WDR33: variants seen among roughly 807,000 people sequenced by gnomAD.
The protein encoded by WDR33 is WD repeat domain 33, also known as pre-mRNA 3' end processing protein WDR33.
WDR33 carries 47 observed loss-of-function variants against 164.9 expected under a neutral mutation model. The ratio of observed to expected loss-of-function variants is 0.29; its 90% CI spans 0.23 to 0.36. The LOEUF (loss-of-function observed/expected upper bound fraction) is 0.36, where lower values mean the gene tolerates loss of function less well. Ranked by LOEUF, WDR33 falls within the 10% of genes least tolerant of loss-of-function variation. The probability of loss-of-function intolerance (pLI) is 1.00; values close to 1 mark genes in which losing one functional copy is unlikely to be tolerated. For missense variants in WDR33, 1,137 were observed against 1,754.1 expected (o/e 0.65, Z 6.28); for synonymous variants, 505 against 589.0 (o/e 0.86, Z 2.06).
At chr2:127,752,690 A>G (rs1226069307) in intron 7 of WDR33, among the ~76,000 whole-genome samples, 10 of 152,192 alleles carry the variant, frequency 6.6e-5, no homozygotes, top group Non-Finnish European at 1.5e-4. Flanking sequence ...TGTCAATGTA[A>G]AACAGCATTC....
At chr2:127,789,556 C>T (rs1688768806) in intron 1 of WDR33, among the ~76,000 whole-genome samples, 2 of 149,824 alleles carry the variant, frequency 1.3e-5, no homozygotes, top group South Asian at 2.1e-4. Context: ...TCAGGCGTGG[C>T]GGCGCGTGCC....
Position 127,713,768 on chromosome 2 carries a change from T to TTGC in WDR33, c.3120_3122dup (p.Gln1041dup). ...GGCCCCCTCGCCTCCACTTCTCTTC[T>TTGC]TGCGGTAAAGGTCCTCCTCGCCCCT... On this transcript the variant is annotated inframe_insertion, in exon 18 of 22. Transcript: ENST00000322313. The surrounding 1 kb of genome is among the most constrained non-coding windows in gnomAD (Gnocchi z 6.2). 6.2e-7 allele frequency: 1 copy of TTGC among 1,614,248 alleles called. No homozygotes were observed. The highest frequency in any genetic ancestry group is 8.5e-7 in the Non-Finnish European group (1 of 1,180,042).
At chr2:127,788,112 C>G (rs1278588789) in intron 1 of WDR33, among the ~76,000 whole-genome samples, 5 of 93,656 alleles carry the variant, frequency 5.3e-5, no homozygotes, top group Non-Finnish European at 1.1e-4. Flanking sequence ...GCTGGCCGGG[C>G]TGAGGGGCTC....
At chr2:127,744,106 A>G (rs1352030673) in intron 7 of WDR33, among the ~76,000 whole-genome samples, 2 of 152,166 alleles carry the variant, frequency 1.3e-5, no homozygotes, top group African/African-American at 4.8e-5. Context: ...TAAAATGTTA[A>G]TCCTGTGTTA....
intron 1 of WDR33, 184 bp downstream of exon 1, chr2:127,810,827 AG>A (rs1689625053): frequency 6.6e-6 from 1 of 152,588 alleles, no homozygotes; most frequent in Non-Finnish European, 1.5e-5. Context: ...TCCAGCCTCC[AG>A]CCCCCTCCCA....
At chr2:127,779,232 C>T (rs1688292270) in intron 1 of WDR33, among the ~76,000 whole-genome samples, 1 of 151,354 alleles carries the variant, frequency 6.6e-6, no homozygotes, top group Non-Finnish European at 1.5e-5. Flanking sequence ...CTTTGGGAGG[C>T]CAAGGCAGAT....
chr2:127,789,354 GGGAGGT>G (rs1688759558), intron 1 of WDR33, among the ~76,000 whole-genome samples: 1 of 101,350 alleles, frequency 9.9e-6, no homozygotes, highest in Non-Finnish European at 2.0e-5. Flanking sequence ...GCAGGCGGCT[GGGAGGT>G]GTAGGTTGTA....
At chr2:127,747,448 A>G (rs1687199032) in intron 7 of WDR33, among the ~76,000 whole-genome samples, 1 of 152,146 alleles carries the variant, frequency 6.6e-6, no homozygotes, top group Non-Finnish European at 1.5e-5. Flanking sequence ...GAAAAAAAAA[A>G]AAAAGTAAAA....
intron 7 of WDR33, among the ~76,000 whole-genome samples, chr2:127,732,306 CT>C (rs201642804): frequency 1.3e-4 from 19 of 147,346 alleles, no homozygotes; most frequent in Admixed American, 1.4e-4. Context: ...GAACTTTTTT[CT>C]TTTTTTTTTG....
In WDR33 at chr2:127,713,751, C is replaced by A; in HGVS notation, c.3140G>T (p.Arg1047Leu). The A allele has an allele frequency of 6.2e-7, 1 of 1,614,238 alleles. No homozygotes were observed. Among genetic ancestry groups the A allele is most frequent in the Non-Finnish European group, 8.5e-7 (1 of 1,180,020 alleles). Residue 1047 changes from arginine to leucine, a missense_variant, in exon 18 of 22, where the codon CGA (arginine) becomes CTA (leucine). Coordinates refer to ENST00000322313, the MANE Select transcript of WDR33 (RefSeq NM_018383.5). The surrounding 1 kb of genome is among the most constrained non-coding windows in gnomAD (Gnocchi z 6.2). ...GGGAAACGGAGGCCCAGGGCCCCCTCGCCTCCACTTCTCTTCTTGCGGTAA... is the reference window on the plus strand; with the variant it reads ...GGGAAACGGAGGCCCAGGGCCCCCTAGCCTCCACTTCTCTTCTTGCGGTAA... ...GPLPQEEKWR[R>L]GGPGPPFPPD... is the part of the protein sequence containing the mutation.
At chr2:127,795,102 C>CTTTTTTTTTTTTTT (rs552910693) in intron 1 of WDR33, among the ~76,000 whole-genome samples, 1 of 131,138 alleles carries the variant, frequency 7.6e-6, no homozygotes, top group African/African-American at 3.0e-5. Context: ...AATAACTTCT[C>CTTTTTTTTTTTTTT]TTTTTTTTTT....
At position 127,768,275 on chromosome 2, in the gene WDR33, T is replaced by A; in HGVS notation, c.292A>T (p.Met98Leu). The change falls in exon 4 of 22, where the codon ATG (methionine) becomes TTG (leucine). Residue 98 changes from methionine (M) to leucine (L), a missense_variant. Around this residue, in one of 9 missense-constraint regions of WDR33, gnomAD observed 55 missense variants for 84.6 expected, o/e 0.65. Transcript: ENST00000322313. Reference sequence around the variant, plus strand: ...ACTGCATTCATAGGATTATTCAACATTCCTATAGGTGGGACCAGCTACAAA... The same window carrying A: ...ACTGCATTCATAGGATTATTCAACAATCCTATAGGTGGGACCAGCTACAAA... ...YYNDLVPPIGMLNNPMNAVTT... is the reference protein window; with the variant it reads ...YYNDLVPPIGLLNNPMNAVTT... The A allele has an allele frequency of 6.4e-7, 1 of 1,574,682 alleles. No homozygotes were observed. Among genetic ancestry groups the A allele is most frequent in the East Asian group, 2.3e-5 (1 of 44,012 alleles).
At position 127,772,976 on chromosome 2, in the gene WDR33, AAT is replaced by A. The variant is rs1248465471; in HGVS notation, c.-23-1974_-23-1973del. 2.1e-3 allele frequency among the ~76,000 whole-genome samples: 285 copies of A among 138,946 alleles called. 3 individuals are homozygous for A. Among genetic ancestry groups the A allele is most frequent in the African/African-American group, 7.6e-3 (277 of 36,660 alleles). 91.2% of individuals were successfully genotyped at this position (138,946 alleles called of 152,430 possible). A position where few individuals can be genotyped will look rare whatever the true frequency, so the allele number is the denominator to read the frequency against. On this transcript the variant is annotated intron_variant, in intron 1 of 21. Transcript: ENST00000322313. ...CATCTCTACAAAAAAAAAAAAAAAAAATTGTTTTAATTAGCCCAGTGTGCTGG... is the reference window on the plus strand; with the variant it reads ...CATCTCTACAAAAAAAAAAAAAAAAATGTTTTAATTAGCCCAGTGTGCTGG...
chr2:127,756,040 C>T (rs6756449), intron 7 of WDR33, among the ~76,000 whole-genome samples: 20,059 of 151,986 alleles, frequency 0.13, 1,442 homozygotes, highest in South Asian at 0.25. Context: ...TTCTGGTATA[C>T]CATAAAAAAG....
Position 127,764,346 on chromosome 2 carries a change from G to A in WDR33, c.626+482C>T. 3 of 1,413,054 alleles carry A rather than the reference G, an allele frequency of 2.1e-6. No individual in the cohort carries two copies. The highest frequency in any genetic ancestry group is 2.8e-6 in the Non-Finnish European group (3 of 1,085,110). The allele number at this position is 1,413,054 out of a possible 1,614,324, so 87.5% of individuals were successfully genotyped here. A position where few individuals can be genotyped will look rare whatever the true frequency, so the allele number is the denominator to read the frequency against. The stretch of plus-strand genomic sequence containing the variant: ...CATCCAGTTATCTGTGAGGGTTTTA[G>A]TCCTATACTTTCCTTTGGAAGTCGT... On this transcript the variant is annotated intron_variant, in intron 6 of 21. Coordinates refer to ENST00000322313, the MANE Select transcript of WDR33 (RefSeq NM_018383.5). The surrounding 1 kb of genome is among the most constrained non-coding windows in gnomAD (Gnocchi z 6.2).
chr2:127,727,135 TG>T (rs1427054111), intron 7 of WDR33, among the ~76,000 whole-genome samples: 2 of 152,224 alleles, frequency 1.3e-5, no homozygotes, highest in African/African-American at 4.8e-5. Context: ...GCACAATCCC[TG>T]TCACTCACTT....
chr2:127,805,068 CTTTTTTTTTTTTTTTT>C (rs201681607), intron 1 of WDR33, among the ~76,000 whole-genome samples: 4 of 84,380 alleles, frequency 4.7e-5, no homozygotes, highest in African/African-American at 1.5e-4. Context: ...GAAGTTTTTT[CTTTTTTTTTTTTTTTT>C]TTTTTTTTTT....
Position 127,704,047 on chromosome 2 carries a change from C to A in WDR33, c.*2276G>T, listed in dbSNP as rs940830594. On this transcript the variant is annotated 3_prime_UTR_variant, in exon 22 of 22. Transcript: ENST00000322313. Reference sequence around the variant, plus strand: ...GCTGAGGTGGGAAGATCACTTGAGCCCAGGAGGTTGAGGCTGCAGTGAACT... The same window carrying A: ...GCTGAGGTGGGAAGATCACTTGAGCACAGGAGGTTGAGGCTGCAGTGAACT... 1 of 166,278 alleles carries A rather than the reference C, an allele frequency of 6.0e-6. No homozygotes were observed. Among genetic ancestry groups the A allele is most frequent in the Non-Finnish European group, 1.5e-5 (1 of 68,094 alleles). The allele number at this position is 166,278 out of a possible 1,614,324, so 10.3% of individuals were successfully genotyped here.
At chr2:127,780,722 G>A (rs746569285) in intron 1 of WDR33, among the ~76,000 whole-genome samples, 9 of 152,060 alleles carry the variant, frequency 5.9e-5, no homozygotes, top group Non-Finnish European at 8.8e-5. Flanking sequence ...CTCCAGTCCC[G>A]TCTACTCAAA....
Sources: gnomAD v4.1 joint callset for allele counts (sites outside exome capture counted in the v4.1 genomes callset) on GRCh38, gnomAD v4.1.1 for gene constraint, gnomAD v4.1.1 regional missense constraint, Gnocchi (gnomAD v3.1) non-coding constraint, MANE v1.5 for transcripts, NCBI Gene and HGNC (gene_info 2026-07-23, HGNC 2026-07-21) for gene names.